The following WWOX variants were observed in gnomAD, a reference collection of about 807,000 sequenced individuals.
WWOX encodes the protein WW domain containing oxidoreductase, also known as WW domain-containing oxidoreductase.
In WWOX, 69 loss-of-function variants were observed where a neutral mutation model predicts 46.2. That is an observed-to-expected ratio of 1.49 (90% CI 1.23 to 1.82). The LOEUF (loss-of-function observed/expected upper bound fraction) is 1.82. Ranked by LOEUF, WWOX falls within the 40% of genes most tolerant of loss-of-function variation. WWOX has a pLI of 0.00. For missense variants in WWOX, 919 were observed against 542.6 expected, an observed-to-expected ratio of 1.69 and a Z score of -6.89; for synonymous variants, 359 against 202.6, an observed-to-expected ratio of 1.77 and a Z score of -6.56.
At chr16:78,178,960 A>G (rs2035439738) in intron 5 of WWOX, among the ~76,000 whole-genome samples, 1 of 152,220 alleles carries the variant, frequency 6.6e-6, no homozygotes, top group East Asian at 1.9e-4. Flanking sequence ...AGAGCTGGTC[A>G]AATGTTTACA....
intron 1 of WWOX, among the ~76,000 whole-genome samples, chr16:78,101,363 T>TTTTTTTTTTTTTTA (rs1555533361): frequency 7.0e-6 from 1 of 143,536 alleles, no homozygotes; most frequent in Non-Finnish European, 1.5e-5. Context: ...TTTTTTTTTT[T>TTTTTTTTTTTTTTA]AAAGACAGGG....
At chr16:78,205,034 C>T (rs559105913) in intron 5 of WWOX, among the ~76,000 whole-genome samples, 1 of 152,298 alleles carries the variant, frequency 6.6e-6, no homozygotes, top group East Asian at 1.9e-4. Context: ...GTTGAAGACA[C>T]TCTTATGGCA....
intron 8 of WWOX, among the ~76,000 whole-genome samples, chr16:78,710,500 T>TA (rs1567507587): frequency 1.9e-4 from 13 of 68,522 alleles, no homozygotes; most frequent in South Asian, 8.8e-4. Flanking sequence ...ATATATATAT[T>TA]TATATAAATA....
At chr16:78,384,226 C>A (rs963112358) in intron 5 of WWOX, among the ~76,000 whole-genome samples, 1 of 152,148 alleles carries the variant, frequency 6.6e-6, no homozygotes, top group Non-Finnish European at 1.5e-5. Flanking sequence ...TAATGAATGG[C>A]TGCCTTTCCT....
intron 8 of WWOX, among the ~76,000 whole-genome samples, chr16:78,690,727 A>G (rs905853356): frequency 6.6e-6 from 1 of 152,192 alleles, no homozygotes; most frequent in Non-Finnish European, 1.5e-5. Context: ...GGATGCATGT[A>G]TGAATAAACT....
At chr16:79,036,605 A>G (rs567419348) in intron 8 of WWOX, among the ~76,000 whole-genome samples, 7 of 152,294 alleles carry the variant, frequency 4.6e-5, no homozygotes, top group East Asian at 1.9e-4. Context: ...CTGTCCTTCT[A>G]TGAAAGGCTT....
At chr16:78,481,664 T>C (rs1013368381) in intron 8 of WWOX, among the ~76,000 whole-genome samples, 2 of 150,872 alleles carry the variant, frequency 1.3e-5, no homozygotes, top group African/African-American at 2.4e-5. Context: ...TTCCCAACAA[T>C]TTGGCTGTAT....
chr16:78,469,649 C>A lies in WWOX; in HGVS notation c.1056+36897C>A, dbSNP rs571618943. On this transcript the variant is annotated intron_variant, in intron 8 of 8. Transcript: ENST00000566780. ...AGGCTGCCAGGACATGTCTGAGTACCGCGCAGATAGTGGGGAATAGTCTAT... is the reference window on the plus strand; with the variant it reads ...AGGCTGCCAGGACATGTCTGAGTACAGCGCAGATAGTGGGGAATAGTCTAT... 2.0e-5 allele frequency among the ~76,000 whole-genome samples: 3 copies of A among 152,156 alleles called. No individual in the cohort carries two copies. The South Asian group carries it at 6.2e-4, about 32-fold the overall frequency.
intron 8 of WWOX, among the ~76,000 whole-genome samples, chr16:78,746,510 A>G (rs2049350608): frequency 6.6e-6 from 1 of 152,130 alleles, no homozygotes; most frequent in Non-Finnish European, 1.5e-5. Context: ...GCATTGTAGT[A>G]ATACTAGATA....
intron 8 of WWOX, among the ~76,000 whole-genome samples, chr16:78,695,986 C>G (rs929462456): frequency 3.9e-5 from 6 of 152,192 alleles, no homozygotes; most frequent in Non-Finnish European, 7.3e-5. Flanking sequence ...CCCAGACCTC[C>G]TGAATGTGAA....
intron 8 of WWOX, among the ~76,000 whole-genome samples, chr16:78,530,042 C>T (rs375503551): frequency 5.3e-5 from 8 of 152,130 alleles, no homozygotes; most frequent in African/African-American, 1.7e-4. Flanking sequence ...GAACTGCACT[C>T]ACTTGAACCC....
intron 7 of WWOX, among the ~76,000 whole-genome samples, chr16:78,425,859 A>G (rs891181303): frequency 6.6e-6 from 1 of 152,066 alleles, no homozygotes; most frequent in African/African-American, 2.4e-5. Context: ...ATAACGTGCA[A>G]GGGGCCTATT....
chr16:78,912,299 A>G (rs113984657), intron 8 of WWOX, among the ~76,000 whole-genome samples: 16 of 152,166 alleles, frequency 1.1e-4, no homozygotes, highest in African/African-American at 3.4e-4. Context: ...GCCAGGCACT[A>G]TGCTATGCAC....
intron 8 of WWOX, among the ~76,000 whole-genome samples, chr16:78,465,733 C>G (rs2084060077): frequency 6.6e-6 from 1 of 152,128 alleles, no homozygotes; most frequent in Admixed American, 6.5e-5. Flanking sequence ...AAATAATACC[C>G]ACCATCAGAG....
At chr16:78,665,301 T>C (rs757648399) in intron 8 of WWOX, among the ~76,000 whole-genome samples, 1 of 152,210 alleles carries the variant, frequency 6.6e-6, no homozygotes, top group Admixed American at 6.5e-5. Context: ...TTTTCAGTTA[T>C]GCATGACACT....
intron 8 of WWOX, among the ~76,000 whole-genome samples, chr16:78,795,815 T>C (rs965573101): frequency 1.1e-4 from 17 of 152,170 alleles, no homozygotes; most frequent in African/African-American, 4.1e-4. Context: ...ATATTGAGTA[T>C]AAAGTATCTA....
chr16:78,263,433 G>A (rs1479659398), intron 5 of WWOX, among the ~76,000 whole-genome samples: 4 of 152,172 alleles, frequency 2.6e-5, no homozygotes, highest in African/African-American at 9.6e-5. Flanking sequence ...ACAGAGAAGA[G>A]GGGTTGCCCA....
intron 8 of WWOX, among the ~76,000 whole-genome samples, chr16:78,486,480 C>T (rs1169227136): frequency 1.3e-5 from 2 of 152,130 alleles, no homozygotes; most frequent in African/African-American, 2.4e-5. Context: ...CTTAAAGTTC[C>T]TGATAGTTTA....
intron 8 of WWOX, among the ~76,000 whole-genome samples, chr16:78,855,453 C>T (rs1333201456): frequency 6.6e-6 from 1 of 152,128 alleles, no homozygotes; most frequent in Non-Finnish European, 1.5e-5. Flanking sequence ...TGAAAGGCAC[C>T]ACCTATCTTT....
Sources: allele counts gnomAD v4.1 joint callset (sites outside exome capture counted in the v4.1 genomes callset), GRCh38; gene constraint gnomAD v4.1.1; transcripts MANE v1.5; gene names NCBI Gene and HGNC (gene_info 2026-07-23, HGNC 2026-07-21).